Variants in ROBO1 observed in about 807,000 individuals in gnomAD.
The protein encoded by ROBO1 is roundabout homolog 1.
In ROBO1, 149 loss-of-function variants were observed where a neutral mutation model predicts 195.9. The ratio of observed to expected loss-of-function variants is 0.76; its 90% CI spans 0.67 to 0.87. The LOEUF is 0.87. Among genes scored for constraint, ROBO1 ranks in the 40% least tolerant of loss-of-function variants. The pLI, the probability that ROBO1 is intolerant of heterozygous loss-of-function variation, is 0.00. For missense variants in ROBO1, 1,933 were observed against 2,068.3 expected, an observed-to-expected ratio of 0.93 and a Z score of 1.27; for synonymous variants, 816 against 733.2, an observed-to-expected ratio of 1.11 and a Z score of -1.82.
At chr3:79,147,304 T>TCCAAAA (rs2080672970) in intron 2 of ROBO1, among the ~76,000 whole-genome samples, 1 of 151,934 alleles carries the variant, frequency 6.6e-6, no homozygotes, top group Non-Finnish European at 1.5e-5. Context: ...GTACTTTCTG[T>TCCAAAA]TTGACGAAAG....
chr3:79,593,320 G>A (rs1012108980), intron 1 of ROBO1, among the ~76,000 whole-genome samples: 1 of 151,994 alleles, frequency 6.6e-6, no homozygotes, highest in Non-Finnish European at 1.5e-5. Flanking sequence ...GCTTATTATT[G>A]CAAGAAACTG....
chr3:78,631,098 T>A, intron 25 of ROBO1, 63 bp downstream of exon 25: 1 of 1,522,890 alleles, frequency 6.6e-7, no homozygotes, highest in Admixed American at 1.9e-5. Flanking sequence ...GTATAATAAT[T>A]GCTGAAAATG....
chr3:78,678,153 T>A (rs1329575209), intron 10 of ROBO1, among the ~76,000 whole-genome samples: 1 of 151,904 alleles, frequency 6.6e-6, no homozygotes, highest in Non-Finnish European at 1.5e-5. Context: ...CATACCAGAA[T>A]CTCTGGGACA....
chr3:78,730,671 T>A (rs755744854), intron 5 of ROBO1, among the ~76,000 whole-genome samples: 1 of 152,078 alleles, frequency 6.6e-6, no homozygotes. Flanking sequence ...TCAATATCCA[T>A]ATGGCCAGTT....
At chr3:79,117,715 G>A (rs1163169532) in intron 3 of ROBO1, among the ~76,000 whole-genome samples, 1 of 152,194 alleles carries the variant, frequency 6.6e-6, no homozygotes, top group Non-Finnish European at 1.5e-5. Context: ...TAAAGTAACA[G>A]TAAAATGTTT....
chr3:79,529,361 C>T (rs1055559166), intron 2 of ROBO1, among the ~76,000 whole-genome samples: 1 of 152,060 alleles, frequency 6.6e-6, no homozygotes, highest in Non-Finnish European at 1.5e-5. Flanking sequence ...AATGGTGCAT[C>T]CCAGTAGTCC....
At chr3:79,753,800 T>C (rs903259270) in intron 1 of ROBO1, among the ~76,000 whole-genome samples, 5 of 151,988 alleles carry the variant, frequency 3.3e-5, no homozygotes, top group Non-Finnish European at 7.4e-5. Flanking sequence ...TTGGAGAAAA[T>C]CTGGGAGAGA....
chr3:79,633,035 G>C (rs1368534062), intron 1 of ROBO1, among the ~76,000 whole-genome samples: 1 of 152,028 alleles, frequency 6.6e-6, no homozygotes, highest in Non-Finnish European at 1.5e-5. Flanking sequence ...TAAATGCTAT[G>C]AATCAGAAGG....
chr3:79,567,603 A>G (rs2107733717), intron 2 of ROBO1, among the ~76,000 whole-genome samples: 1 of 152,208 alleles, frequency 6.6e-6, no homozygotes, highest in Non-Finnish European at 1.5e-5. Flanking sequence ...ATTGTTACAT[A>G]TTATACCTCT....
intron 2 of ROBO1, among the ~76,000 whole-genome samples, chr3:79,378,462 G>T (rs1024938197): frequency 6.6e-6 from 1 of 152,016 alleles, no homozygotes; most frequent in Non-Finnish European, 1.5e-5. Flanking sequence ...GTTGTTCTTT[G>T]TTTATCTTAT....
intron 4 of ROBO1, among the ~76,000 whole-genome samples, chr3:78,753,855 T>C (rs1415978816): frequency 6.6e-6 from 1 of 152,258 alleles, no homozygotes; most frequent in Non-Finnish European, 1.5e-5. Context: ...TCATATGTTC[T>C]AACTTAAAGT....
At chr3:78,898,171 C>A (rs1376019230) in intron 4 of ROBO1, among the ~76,000 whole-genome samples, 3 of 148,764 alleles carry the variant, frequency 2.0e-5, no homozygotes, top group Non-Finnish European at 4.5e-5. Context: ...ATTCCCTTTA[C>A]AATTTTCTTT....
intron 2 of ROBO1, among the ~76,000 whole-genome samples, chr3:79,464,328 TC>T (rs1417007691): frequency 6.6e-6 from 1 of 152,234 alleles, no homozygotes. Context: ...CTATATTTAA[TC>T]AAGGAACTGC....
intron 2 of ROBO1, among the ~76,000 whole-genome samples, chr3:79,335,709 G>A (rs142177686): frequency 0.011 from 1,675 of 152,212 alleles, 16 homozygotes; most frequent in Middle Eastern, 0.034. Context: ...AATTGGTACC[G>A]CAGAGAGTGG....
In ROBO1 at chr3:79,065,219, G is replaced by A. The variant is rs187382032; in HGVS notation, c.172+60237C>T. ...AACAAACAATGCCTTAAGAGATATAGAAGAGGCAACTGTGTGTGGGTACAA... is the reference window on the plus strand; with the variant it reads ...AACAAACAATGCCTTAAGAGATATAAAAGAGGCAACTGTGTGTGGGTACAA... On this transcript the variant is annotated intron_variant, in intron 3 of 30. Transcript: ENST00000464233. Among the ~76,000 whole-genome samples the A allele has an allele frequency of 1.5e-3, 232 of 152,042 alleles. 2 individuals carry two copies. The highest frequency in any genetic ancestry group is 5.2e-3 in the African/African-American group (215 of 41,520).
rs1705461917 is a variant in ROBO1, at chr3:78,635,868, T to C, written c.3278A>G (p.Asp1093Gly). Residue 1093 changes from aspartate to glycine, a missense_variant, in exon 23 of 31, where the codon GAC (aspartate) becomes GGC (glycine). By Grantham distance (94) the Asp-to-Gly change is moderately conservative (BLOSUM62 -1). Transcript: ENST00000464233. ...LSNNMNNGSG[D>G]SGEKHWKPLG... The stretch of plus-strand genomic sequence containing the variant: ...TGGTTTCCAGTGCTTCTCGCCAGAG[T>C]CCCCGCTGCCATTGTTCATGTTGTT... 1 of 1,613,850 alleles carries C rather than the reference T, an allele frequency of 6.2e-7. No homozygotes were observed. The highest frequency in any genetic ancestry group is 8.5e-7 in the Non-Finnish European group (1 of 1,179,820).
At chr3:79,003,058 C>T (rs2077541380) in intron 3 of ROBO1, among the ~76,000 whole-genome samples, 1 of 152,150 alleles carries the variant, frequency 6.6e-6, no homozygotes, top group Non-Finnish European at 1.5e-5. Flanking sequence ...TCTTAATCCT[C>T]TTAGAAGCAT....
intron 2 of ROBO1, among the ~76,000 whole-genome samples, chr3:79,577,717 A>AACACACAC (rs58998352): frequency 2.8e-3 from 395 of 140,704 alleles, no homozygotes; most frequent in African/African-American, 5.4e-3. Flanking sequence ...CTTTACTAAA[A>AACACACAC]ACACACACAC....
At chr3:79,430,500 G>A (rs1451677479) in intron 2 of ROBO1, among the ~76,000 whole-genome samples, 5 of 151,958 alleles carry the variant, frequency 3.3e-5, no homozygotes, top group East Asian at 3.9e-4. Context: ...AGAAATGAAC[G>A]GTTGGGCCAC....
Sources: gnomAD v4.1 joint callset for allele counts (sites outside exome capture counted in the v4.1 genomes callset) on GRCh38, gnomAD v4.1.1 for gene constraint, MANE v1.5 for transcripts, NCBI Gene and HGNC (gene_info 2026-07-23, HGNC 2026-07-21) for gene names.